The following NOC3L variants were observed in gnomAD, a reference collection of about 807,000 sequenced individuals.
The protein encoded by NOC3L is nucleolar complex protein 3 homolog.
A neutral mutation model predicts 102.5 loss-of-function variants in NOC3L; 85 were observed. The observed-to-expected ratio is 0.83, with a 90% confidence interval of 0.70 to 0.99. The LOEUF (loss-of-function observed/expected upper bound fraction) is 0.99, where lower values mean the gene tolerates loss of function less well. NOC3L is among the 50% of genes least tolerant of loss of function. NOC3L has a pLI of 0.00. For missense variants in NOC3L, 878 were observed against 914.9 expected (o/e 0.96, Z 0.52); for synonymous variants, 303 against 309.4 (o/e 0.98, Z 0.22).
chr10:94,345,031 T>TA (rs2054327682), intron 11 of NOC3L, 98 bp from the exon 12 acceptor site: 2 of 729,068 alleles, frequency 2.7e-6, no homozygotes, highest in Admixed American at 5.8e-5. Context: ...CATACAGTAA[T>TA]ACCACATGTT....
At position 94,353,077 on chromosome 10, in the gene NOC3L, T is replaced by C; in HGVS notation, c.697-20A>G. On this transcript the variant is annotated intron_variant, in intron 6 of 20. Transcript: ENST00000371361. ...TTTAATCTGTTAAAGAAATAGCTTA[T>C]AAAGCTGGAGAAATCATGACGAAAC... 3 of 1,574,364 alleles carry C rather than the reference T, an allele frequency of 1.9e-6. No homozygotes were observed. The highest frequency in any genetic ancestry group is 2.6e-6 in the Non-Finnish European group (3 of 1,158,890).
At chr10:94,356,689 G>A (rs758348901) in intron 4 of NOC3L, 98 bp from the exon 5 acceptor site, 42 of 754,556 alleles carry the variant, frequency 5.6e-5, no homozygotes, top group Non-Finnish European at 8.4e-5. Context: ...ACTCAGGATA[G>A]CAGTTACTTT....
At position 94,344,470 on chromosome 10, in the gene NOC3L, A is replaced by G. The variant is rs1374942826; in HGVS notation, c.1516T>C (p.Leu506=). 6.2e-7 allele frequency: 1 copy of G among 1,613,852 alleles called. No homozygotes were observed. Among genetic ancestry groups the G allele is most frequent in the Non-Finnish European group, 8.5e-7 (1 of 1,179,790 alleles). Residue 506 remains leucine (L), a synonymous_variant, in exon 13 of 21, where the codon TTG becomes CTG. Transcript: ENST00000371361. ...NIVFVTYFRI[L]KKAQRSPLLP... is the part of the protein sequence containing the mutation. Reference sequence around the variant, plus strand: ...AGAGGTGACCTCTGGGCCTTCTTCAATATTCTGAAGTAGGTTACAAACACA... The same window carrying G: ...AGAGGTGACCTCTGGGCCTTCTTCAGTATTCTGAAGTAGGTTACAAACACA...
Position 94,334,309 on chromosome 10 carries a change from G to A in NOC3L, c.2275-4C>T. On this transcript the variant is annotated splice_region_variant and splice_polypyrimidine_tract_variant and intron_variant, in intron 20 of 20. Transcript: ENST00000371361. ...AATCCCCTTGTAAAAATTTACCCTA[G>A]GAAAATATTTAAAGTATGAGTTAGA... The A allele has an allele frequency of 6.4e-7, 1 of 1,565,362 alleles. No individual in the cohort carries two copies. The highest frequency in any genetic ancestry group is 1.1e-5 in the South Asian group (1 of 89,016).
At chr10:94,357,101 T>C in intron 4 of NOC3L, 73 bp downstream of exon 4, 1 of 1,162,556 alleles carries the variant, frequency 8.6e-7, no homozygotes, top group Non-Finnish European at 1.2e-6. Context: ...AAATTAAATT[T>C]TGAGTGAAAA....
chr10:94,342,808 G>A (rs1042375743), intron 13 of NOC3L, among the ~76,000 whole-genome samples: 1 of 151,940 alleles, frequency 6.6e-6, no homozygotes, highest in Admixed American at 6.6e-5. Flanking sequence ...AGGCAGGCCC[G>A]GTGCGATGGC....
At position 94,340,709 on chromosome 10, in the gene NOC3L, C is replaced by T. The variant is rs574734498; in HGVS notation, c.1645-213G>A. Among the ~76,000 whole-genome samples the T allele has an allele frequency of 1.1e-4, 17 of 151,956 alleles. No homozygotes were observed. The South Asian group carries it at 1.9e-3, about 17-fold the overall frequency. ...AAAACCCATCTCTCAGGGCCGGGCG[C>T]GGTGGCTCACGCCTGCAATCCCAGC... On this transcript the variant is annotated intron_variant, in intron 14 of 20. Coordinates refer to ENST00000371361, the MANE Select transcript of NOC3L (RefSeq NM_022451.11).
At chr10:94,350,764 C>T (rs1002708752) in intron 8 of NOC3L, among the ~76,000 whole-genome samples, 1 of 150,570 alleles carries the variant, frequency 6.6e-6, no homozygotes, top group African/African-American at 2.4e-5. Context: ...CATAATGGTT[C>T]GATCTGCTCA....
rs2054268598 is a variant in NOC3L at position 94,340,418 on chromosome 10, A to G, written c.1708+15T>C. ...AAGGTAAGGCAAACAAAACTTGATT[A>G]AGAAAATATCATACCTTGTCCAGAA... is the stretch of plus-strand genomic sequence containing the variant. On this transcript the variant is annotated intron_variant, in intron 15 of 20. Coordinates refer to ENST00000371361, the MANE Select transcript of NOC3L (RefSeq NM_022451.11). The G allele has an allele frequency of 2.5e-6, 4 of 1,611,712 alleles. No individual in the cohort carries two copies. The highest frequency in any genetic ancestry group is 2.7e-5 in the African/African-American group (2 of 74,898).
chr10:94,340,918 T>C (rs2054276466), intron 14 of NOC3L, among the ~76,000 whole-genome samples: 1 of 150,888 alleles, frequency 6.6e-6, no homozygotes, highest in South Asian at 2.1e-4. Flanking sequence ...GAGGCGGAGC[T>C]TGCAGTGAGC....
chr10:94,323,598 C>T, the NOC3L span, among the ~76,000 whole-genome samples: 33 of 152,266 alleles, frequency 2.2e-4, no homozygotes, highest in African/African-American at 7.2e-4. Context: ...TAGTACTTTC[C>T]TTGAAGGTTA....
At position 94,339,872 on chromosome 10, in the gene NOC3L, A is replaced by G. The variant is rs2054261811; in HGVS notation, c.1829T>C (p.Met610Thr). Residue 610 changes from methionine to threonine, a missense_variant, in exon 17 of 21, where the codon ATG becomes ACG. Met to Thr is a moderately conservative substitution (Grantham distance 81). Transcript: ENST00000371361. Reference sequence around the variant, plus strand: ...AACTTGCTTTCTGCGCTTAGTTAGCATGACATCAAGGCACTGGAGTACAAT... The same window carrying G: ...AACTTGCTTTCTGCGCTTAGTTAGCGTGACATCAAGGCACTGGAGTACAAT... ...VEIVLQCLDV[M>T]LTKRRKQVSQ... The G allele has an allele frequency of 6.2e-7, 1 of 1,614,228 alleles. No homozygotes were observed.
chr10:94,319,327 T>A, the NOC3L span, among the ~76,000 whole-genome samples: 1 of 152,194 alleles, frequency 6.6e-6, no homozygotes, highest in Non-Finnish European at 1.5e-5. Flanking sequence ...GCTGATTGAA[T>A]AAATGAATTC....
At chr10:94,345,323 A>G (rs1202576496) in intron 11 of NOC3L, among the ~76,000 whole-genome samples, 1 of 152,138 alleles carries the variant, frequency 6.6e-6, no homozygotes, top group Non-Finnish European at 1.5e-5. Context: ...GAACATGTTG[A>G]GCCCAAAAAT....
At position 94,334,180 on chromosome 10, in the gene NOC3L, G is replaced by A. The variant is rs1445465058; in HGVS notation, c.2400C>T (p.His800=). 3 of 1,306,180 alleles carry A rather than the reference G, an allele frequency of 2.3e-6. No individual in the cohort carries two copies. Among genetic ancestry groups the A allele is most frequent in the Non-Finnish European group, 2.2e-6 (2 of 901,090 alleles). 80.9% of individuals were successfully genotyped at this position (1,306,180 alleles called of 1,614,324 possible). ...DFTKYLKTSL[H] ...GTCCACTGACTTCATTCCTCTACTAGTGTAGTGATGTTTTCAAATATTTCG... is the reference window on the plus strand; with the variant it reads ...GTCCACTGACTTCATTCCTCTACTAATGTAGTGATGTTTTCAAATATTTCG... The change falls in exon 21 of 21, where the codon CAC becomes CAT. Residue 800 remains histidine (H), a synonymous_variant. Coordinates refer to ENST00000371361, the MANE Select transcript of NOC3L (RefSeq NM_022451.11).
intron 7 of NOC3L, 21 bp downstream of exon 7, chr10:94,352,875 T>C (rs370689769): frequency 4.4e-6 from 7 of 1,595,596 alleles, no homozygotes; most frequent in South Asian, 1.1e-5. Context: ...ATAGTAATTA[T>C]ATCTAGCAAT....
chr10:94,323,738 G>A, the NOC3L span, among the ~76,000 whole-genome samples: 1 of 152,298 alleles, frequency 6.6e-6, no homozygotes, highest in East Asian at 1.9e-4. Context: ...GAATTCCAAA[G>A]GGCCCAGACT....
chr10:94,338,906 C>T (rs1233400442), intron 17 of NOC3L, among the ~76,000 whole-genome samples, 170 bp from the exon 18 acceptor site: 1 of 151,832 alleles, frequency 6.6e-6, no homozygotes, highest in Non-Finnish European at 1.5e-5. Context: ...ATAGTAAGAA[C>T]AAGAGTTGCA....
At chr10:94,352,854 A>T in intron 7 of NOC3L, 42 bp downstream of exon 7, 1 of 1,535,700 alleles carries the variant, frequency 6.5e-7, no homozygotes. Flanking sequence ...CAAAATGTTT[A>T]GTTATTTTAG....
Sources: gnomAD v4.1 joint callset for allele counts (sites outside exome capture counted in the v4.1 genomes callset) on GRCh38, gnomAD v4.1.1 for gene constraint, MANE v1.5 for transcripts, NCBI Gene and HGNC (gene_info 2026-07-23, HGNC 2026-07-21) for gene names.